Variants in CTNND2 observed in about 807,000 individuals in gnomAD.
CTNND2 encodes the protein catenin delta-2.
In CTNND2, 22 loss-of-function variants were observed where a neutral mutation model predicts 144.4. That is an observed-to-expected ratio of 0.15 (90% confidence interval 0.11 to 0.22). CTNND2 has a LOEUF of 0.22. Among genes scored for constraint, CTNND2 ranks in the 10% least tolerant of loss-of-function variants. The pLI is 1.00. For missense variants in CTNND2, 1,353 were observed against 1,618.8 expected (o/e 0.84, Z 2.82); for synonymous variants, 751 against 695.6 (o/e 1.08, Z -1.25).
intron 10 of CTNND2, among the ~76,000 whole-genome samples, chr5:11,236,141 T>C (rs545720813): frequency 1.3e-5 from 2 of 152,370 alleles, no homozygotes; most frequent in Admixed American, 6.5e-5. Context: ...ATGATGGACA[T>C]GGACAATAGT....
rs1485064228 is a variant in CTNND2 at position 11,560,279 on chromosome 5, C to G, written c.287+4665G>C. On this transcript the variant is annotated intron_variant, in intron 3 of 21. Coordinates refer to ENST00000304623, the MANE Select transcript of CTNND2 (RefSeq NM_001332.4). ...CTAAGAGTTATGTGTCATTTAGGAG[C>G]AGTCCATAGATAGATCTAACTGTTG... is the stretch of plus-strand genomic sequence containing the variant. Among the ~76,000 whole-genome samples, 4 of 152,146 alleles carry G rather than the reference C, an allele frequency of 2.6e-5. No homozygotes were observed. The South Asian group carries it at 8.3e-4, about 31-fold the overall frequency.
chr5:11,218,654 G>C (rs989039396), intron 10 of CTNND2, among the ~76,000 whole-genome samples: 1 of 152,160 alleles, frequency 6.6e-6, no homozygotes, highest in Admixed American at 6.5e-5. Flanking sequence ...GAACTACGTT[G>C]AATACTGTCA....
chr5:11,350,309 A>G (rs1012090022), intron 8 of CTNND2, among the ~76,000 whole-genome samples: 2 of 152,114 alleles, frequency 1.3e-5, no homozygotes, highest in African/African-American at 2.4e-5. Flanking sequence ...CATGCAAAAA[A>G]GTACAAAAAT....
At chr5:11,317,079 C>T (rs978612216) in intron 9 of CTNND2, among the ~76,000 whole-genome samples, 2 of 152,188 alleles carry the variant, frequency 1.3e-5, no homozygotes, top group African/African-American at 4.8e-5. Context: ...TGCTCATCAT[C>T]ACTGGCCATC....
chr5:11,796,277 G>A (rs748074070), intron 1 of CTNND2, among the ~76,000 whole-genome samples: 1 of 152,138 alleles, frequency 6.6e-6, no homozygotes, highest in Non-Finnish European at 1.5e-5. Context: ...TTAGGACAAG[G>A]TCATCTTTCA....
intron 15 of CTNND2, among the ~76,000 whole-genome samples, chr5:11,089,210 G>A (rs1485893476): frequency 6.6e-6 from 1 of 152,056 alleles, no homozygotes; most frequent in Non-Finnish European, 1.5e-5. Context: ...ATCTCGCTTG[G>A]GTATTTGCCT....
chr5:11,465,846 T>C (rs1766622255), intron 3 of CTNND2, among the ~76,000 whole-genome samples: 1 of 152,192 alleles, frequency 6.6e-6, no homozygotes, highest in Admixed American at 6.5e-5. Context: ...TTTACTTGGC[T>C]TCCTCATGGC....
At chr5:11,525,384 A>T (rs1163714811) in intron 3 of CTNND2, among the ~76,000 whole-genome samples, 1 of 152,138 alleles carries the variant, frequency 6.6e-6, no homozygotes, top group Non-Finnish European at 1.5e-5. Context: ...TTGTACCATG[A>T]GTAACATTTT....
chr5:11,043,020 T>C (rs1744844825), intron 16 of CTNND2, among the ~76,000 whole-genome samples: 1 of 152,144 alleles, frequency 6.6e-6, no homozygotes, highest in African/African-American at 2.4e-5. Context: ...CAATCACTTG[T>C]CTTCACTTCG....
rs145070248 is a variant in CTNND2, at chr5:11,160,012, C to T, written c.1976-253G>A. On this transcript the variant is annotated intron_variant, in intron 11 of 21. Coordinates refer to ENST00000304623, the MANE Select transcript of CTNND2 (RefSeq NM_001332.4). ...TCCTCAGGGAGCATAATCAAGGTTG[C>T]GAGGTCTGATTGAACTGAGGCTACC... is the stretch of plus-strand genomic sequence containing the variant. 2.5e-3 allele frequency among the ~76,000 whole-genome samples: 380 copies of T among 152,250 alleles called. 1 individual carries two copies. The highest frequency in any genetic ancestry group is 7.3e-3 in the South Asian group (35 of 4,826).
chr5:11,454,660 G>T (rs555189750), intron 3 of CTNND2, among the ~76,000 whole-genome samples: 1 of 150,980 alleles, frequency 6.6e-6, no homozygotes, highest in Admixed American at 6.6e-5. Flanking sequence ...GCAGTGGCAC[G>T]ATCTCAGCTC....
At chr5:11,833,864 T>C (rs1365916455) in intron 1 of CTNND2, among the ~76,000 whole-genome samples, 2 of 152,164 alleles carry the variant, frequency 1.3e-5, no homozygotes, top group East Asian at 1.9e-4. Context: ...AGTCACATGA[T>C]AGTACACATT....
At chr5:11,559,663 T>A (rs1212954755) in intron 3 of CTNND2, among the ~76,000 whole-genome samples, 1 of 152,182 alleles carries the variant, frequency 6.6e-6, no homozygotes, top group East Asian at 1.9e-4. Context: ...CAGGAGTAGC[T>A]GGAGGGTGCA....
intron 6 of CTNND2, among the ~76,000 whole-genome samples, chr5:11,391,584 C>T (rs1039805977): frequency 1.3e-5 from 2 of 152,186 alleles, no homozygotes; most frequent in African/African-American, 2.4e-5. Flanking sequence ...CTTTTCAAAT[C>T]GTCTTCCAAA....
intron 3 of CTNND2, among the ~76,000 whole-genome samples, chr5:11,545,157 CA>C (rs1199326203): frequency 1.4e-5 from 2 of 138,820 alleles, no homozygotes; most frequent in Non-Finnish European, 3.1e-5. Context: ...AAAAAGAAAG[CA>C]AAAAAATACA....
intron 2 of CTNND2, among the ~76,000 whole-genome samples, chr5:11,647,093 T>A (rs181956628): frequency 1.3e-5 from 2 of 152,330 alleles, no homozygotes; most frequent in East Asian, 3.9e-4. Context: ...GTCACCACTG[T>A]CCCTGTCTCC....
chr5:11,395,698 A>G (rs1249819575), intron 6 of CTNND2, among the ~76,000 whole-genome samples: 1 of 152,260 alleles, frequency 6.6e-6, no homozygotes, highest in Admixed American at 6.5e-5. Context: ...TGAGAAGGTA[A>G]GACTTACAAA....
At chr5:11,785,267 C>T (rs558366311) in intron 1 of CTNND2, among the ~76,000 whole-genome samples, 19 of 152,026 alleles carry the variant, frequency 1.2e-4, no homozygotes, top group African/African-American at 4.1e-4. Flanking sequence ...GTGTGTTGGT[C>T]AAAAATAGTC....
chr5:11,092,083 C>T (rs1036766666), intron 15 of CTNND2, among the ~76,000 whole-genome samples: 3 of 152,188 alleles, frequency 2.0e-5, no homozygotes, highest in Non-Finnish European at 4.4e-5. Flanking sequence ...TGGAAACTCT[C>T]TCTCAAGGTG....
Sources: gnomAD v4.1 joint callset for allele counts (sites outside exome capture counted in the v4.1 genomes callset) on GRCh38, gnomAD v4.1.1 for gene constraint, MANE v1.5 for transcripts, NCBI Gene and HGNC (gene_info 2026-07-23, HGNC 2026-07-21) for gene names.